The following ELMO1 variants were observed in gnomAD, a reference collection of about 807,000 sequenced individuals.
ELMO1 encodes engulfment and cell motility 1.
ELMO1 carries 26 observed loss-of-function variants against 98.9 expected under a neutral mutation model. That is an observed-to-expected ratio of 0.26 (90% confidence interval 0.19 to 0.36). ELMO1 has a LOEUF of 0.36. ELMO1 is among the 10% of genes least tolerant of loss of function. The pLI, the probability that ELMO1 is intolerant of heterozygous loss-of-function variation, is 1.00. For synonymous variants in ELMO1, 346 were observed against 346.0 expected (o/e 1.00, Z 0.00); for missense variants, 627 against 935.2 (o/e 0.67, Z 4.30).
intron 13 of ELMO1, chr7:37,204,328 T>C: frequency 2.3e-6 from 1 of 428,246 alleles, no homozygotes; most frequent in South Asian, 1.7e-5. Flanking sequence ...TCTGGTGGGT[T>C]CGTGGTCTCG....
At chr7:37,274,804 G>A (rs1295282333) in intron 4 of ELMO1, among the ~76,000 whole-genome samples, 1 of 152,124 alleles carries the variant, frequency 6.6e-6, no homozygotes, top group Non-Finnish European at 1.5e-5. Context: ...GCCCATCTCA[G>A]CCTCCCAAAG....
intron 15 of ELMO1, among the ~76,000 whole-genome samples, chr7:37,094,699 G>A (rs1382683982): frequency 2.6e-5 from 4 of 152,156 alleles, no homozygotes; most frequent in Non-Finnish European, 5.9e-5. Context: ...TGTTCCCATA[G>A]AGCTCCTCTC....
chr7:36,934,534 T>C (rs1447938925), intron 16 of ELMO1, among the ~76,000 whole-genome samples: 1 of 152,196 alleles, frequency 6.6e-6, no homozygotes, highest in Non-Finnish European at 1.5e-5. Context: ...TTGGGCATTA[T>C]AAAAGTTAAT....
chr7:36,987,652 T>G (rs1291121556), intron 16 of ELMO1, among the ~76,000 whole-genome samples: 1 of 152,170 alleles, frequency 6.6e-6, no homozygotes, highest in Non-Finnish European at 1.5e-5. Context: ...CAAGCTGAAC[T>G]ATCCATCTAC....
At chr7:36,884,524 C>T (rs755901501) in intron 18 of ELMO1, among the ~76,000 whole-genome samples, 7 of 152,036 alleles carry the variant, frequency 4.6e-5, no homozygotes, top group Non-Finnish European at 8.8e-5. Context: ...GCAGATTGCC[C>T]GAGGCTACCC....
chr7:37,374,315 C>T (rs1802238233), intron 1 of ELMO1, among the ~76,000 whole-genome samples: 1 of 152,078 alleles, frequency 6.6e-6, no homozygotes, highest in African/African-American at 2.4e-5. Flanking sequence ...TCGTGTCTAA[C>T]TATATTAGCA....
intron 20 of ELMO1, among the ~76,000 whole-genome samples, chr7:36,864,890 T>G (rs1427976633): frequency 6.6e-6 from 1 of 152,178 alleles, no homozygotes; most frequent in East Asian, 1.9e-4. Flanking sequence ...TGCCACCTTG[T>G]CATGTGGAGG....
chr7:37,249,546 T>C (rs1795204198), intron 6 of ELMO1, among the ~76,000 whole-genome samples: 1 of 152,256 alleles, frequency 6.6e-6, no homozygotes, highest in East Asian at 1.9e-4. Flanking sequence ...ACTCCACAAA[T>C]ACCACTGCTA....
Position 37,055,856 on chromosome 7 carries a change from A to G in ELMO1, c.1300+40763T>C, listed in dbSNP as rs191813449. The stretch of plus-strand genomic sequence containing the variant: ...CATCCAGGTACAGTGGGCAGCCACA[A>G]TCTTTCTAAGGGAGATTGTCCTATC... On this transcript the variant is annotated intron_variant, in intron 15 of 21. Transcript: ENST00000310758. Among the ~76,000 whole-genome samples the G allele has an allele frequency of 2.0e-5, 3 of 152,224 alleles. No individual in the cohort carries two copies. In the East Asian group the frequency reaches 5.8e-4, roughly 29 times the overall value.
intron 16 of ELMO1, among the ~76,000 whole-genome samples, chr7:36,972,528 C>T (rs982195847): frequency 4.3e-4 from 66 of 152,194 alleles, no homozygotes; most frequent in African/African-American, 1.5e-3. Flanking sequence ...CTGTAAGGGG[C>T]TCTGTTCCAG....
At chr7:37,206,347 G>A (rs1243708368) in intron 13 of ELMO1, among the ~76,000 whole-genome samples, 1 of 152,116 alleles carries the variant, frequency 6.6e-6, no homozygotes, top group Non-Finnish European at 1.5e-5. Flanking sequence ...CCTGTGATTG[G>A]TAGAGTCAGA....
intron 4 of ELMO1, among the ~76,000 whole-genome samples, chr7:37,301,333 G>GA (rs3054217): frequency 0.063 from 9,411 of 150,554 alleles, 345 homozygotes; most frequent in South Asian, 0.13. Flanking sequence ...GAATATATCA[G>GA]AAAAAAAAAA....
chr7:36,864,114 G>C (rs954874306), intron 20 of ELMO1, among the ~76,000 whole-genome samples: 6 of 152,288 alleles, frequency 3.9e-5, no homozygotes, highest in African/African-American at 1.4e-4. Flanking sequence ...GTGCCTGACT[G>C]CTCAGGGAAA....
At chr7:37,432,797 A>G (rs1247298561) in intron 1 of ELMO1, among the ~76,000 whole-genome samples, 1 of 152,246 alleles carries the variant, frequency 6.6e-6, no homozygotes, top group East Asian at 1.9e-4. Flanking sequence ...TGAACCGTGG[A>G]TGAAGGGACA....
intron 4 of ELMO1, among the ~76,000 whole-genome samples, chr7:37,300,767 A>G (rs1051313542): frequency 9.4e-5 from 14 of 149,608 alleles, no homozygotes; most frequent in African/African-American, 3.4e-4. Context: ...TTGGTATCAG[A>G]ATGATGCTGG....
At chr7:37,069,637 T>C (rs1430884027) in intron 15 of ELMO1, among the ~76,000 whole-genome samples, 4 of 152,240 alleles carry the variant, frequency 2.6e-5, no homozygotes, top group African/African-American at 9.6e-5. Context: ...ATTTATTTCA[T>C]AACAAGCACT....
At chr7:37,152,786 T>C (rs538032501) in intron 13 of ELMO1, among the ~76,000 whole-genome samples, 37 of 152,350 alleles carry the variant, frequency 2.4e-4, no homozygotes, top group Middle Eastern at 3.4e-3. Context: ...TAAACTTCTA[T>C]GTAAATATAT....
chr7:37,394,631 T>C (rs1225235596), intron 1 of ELMO1, among the ~76,000 whole-genome samples: 2 of 152,130 alleles, frequency 1.3e-5, no homozygotes, highest in African/African-American at 4.8e-5. Context: ...TGAGGGTTCA[T>C]CTAGGGCAGG....
chr7:37,427,303 G>C (rs1452684797), intron 1 of ELMO1, among the ~76,000 whole-genome samples: 2 of 152,250 alleles, frequency 1.3e-5, no homozygotes, highest in African/African-American at 4.8e-5. Flanking sequence ...TTCAGGCTAA[G>C]ACTTTTTCAA....
Sources: gnomAD v4.1 joint callset for allele counts (sites outside exome capture counted in the v4.1 genomes callset) on GRCh38, gnomAD v4.1.1 for gene constraint, MANE v1.5 for transcripts, NCBI Gene and HGNC (gene_info 2026-07-23, HGNC 2026-07-21) for gene names.